The following MCTP2 variants were observed in gnomAD, a reference collection of about 807,000 sequenced individuals.
The protein encoded by MCTP2 is multiple C2 and transmembrane domain-containing protein 2.
A neutral mutation model predicts 111.6 loss-of-function variants in MCTP2; 132 were observed. That is an observed-to-expected ratio of 1.18 (90% CI 1.03 to 1.37). The LOEUF is 1.37. MCTP2 is among the 40% of genes most tolerant of loss of function. The probability of loss-of-function intolerance (pLI) is 0.00; values close to 1 mark genes in which losing one functional copy is unlikely to be tolerated. For synonymous variants in MCTP2, 395 were observed against 387.7 expected (o/e 1.02, Z -0.22); for missense variants, 1,183 against 1,067.9 (o/e 1.11, Z -1.50).
chr15:94,388,470 T>C (rs1355931735), intron 14 of MCTP2, among the ~76,000 whole-genome samples: 1 of 152,240 alleles, frequency 6.6e-6, no homozygotes, highest in Non-Finnish European at 1.5e-5. Flanking sequence ...ATTGATTCTC[T>C]ATCTAATATT....
At chr15:94,303,323 A>G (rs1390370713) in intron 2 of MCTP2, among the ~76,000 whole-genome samples, 2 of 151,974 alleles carry the variant, frequency 1.3e-5, no homozygotes, top group East Asian at 3.9e-4. Context: ...AGCATCCAGC[A>G]TGGGAGAAAG....
chr15:94,430,909 T>G (rs987849994), intron 17 of MCTP2, among the ~76,000 whole-genome samples: 9 of 152,180 alleles, frequency 5.9e-5, no homozygotes, highest in African/African-American at 2.2e-4. Flanking sequence ...TCTCAGTGAT[T>G]TCTTCCCTAA....
Position 94,406,032 on chromosome 15 carries a change from A to T in MCTP2, c.2085+4013A>T, listed in dbSNP as rs369122807. 9.5e-4 allele frequency among the ~76,000 whole-genome samples: 145 copies of T among 152,304 alleles called. 1 individual carries two copies. In the South Asian group the frequency reaches 0.03, roughly 31 times the overall value. On this transcript the variant is annotated intron_variant, in intron 17 of 22. Transcript: ENST00000357742. ...AGTGCACCTGTATATTTCCCTATGA[A>T]TAGATTTGTAAATATATGTGGTATT... is the stretch of plus-strand genomic sequence containing the variant.
At chr15:94,338,607 C>T (rs755116007) in intron 4 of MCTP2, among the ~76,000 whole-genome samples, 13 of 149,454 alleles carry the variant, frequency 8.7e-5, no homozygotes, top group South Asian at 4.2e-4. Context: ...TTTCTTTTGG[C>T]GTCTGTTTCA....
chr15:94,340,843 T>C lies in MCTP2; in HGVS notation c.888T>C (p.Asp296=). The C allele has an allele frequency of 6.2e-7, 1 of 1,612,166 alleles. No homozygotes were observed. Among genetic ancestry groups the C allele is most frequent in the Non-Finnish European group, 8.5e-7 (1 of 1,178,860 alleles). Residue 296 remains aspartate, a synonymous_variant, in exon 7 of 23, where the codon GAT becomes GAC. Coordinates refer to ENST00000357742, the MANE Select transcript of MCTP2 (RefSeq NM_001385001.1). ...CTGAACATATTTTAAAACTGGAAGA[T>C]CCAAACAGTTTAGAAGATGACATGG... The part of the protein sequence containing the change: ...RTTEHILKLE[D]PNSLEDDMGV...
chr15:94,447,385 G>A (rs2084178980), intron 19 of MCTP2, among the ~76,000 whole-genome samples: 1 of 152,184 alleles, frequency 6.6e-6, no homozygotes, highest in African/African-American at 2.4e-5. Flanking sequence ...GTGTGTGTGT[G>A]TGTGTTGTGT....
At chr15:94,345,211 T>C (rs1317200980) in intron 8 of MCTP2, 47 bp downstream of exon 8, 5 of 1,568,158 alleles carry the variant, frequency 3.2e-6, no homozygotes, top group Non-Finnish European at 4.4e-6. Context: ...AAAAACTTTG[T>C]CTTTGTAGCA....
chr15:94,475,927 ATCCTTG>A (rs1305850826), intron 21 of MCTP2, among the ~76,000 whole-genome samples: 5 of 152,186 alleles, frequency 3.3e-5, no homozygotes, highest in African/African-American at 7.2e-5. Flanking sequence ...GTTTCTAATT[ATCCTTG>A]TCCTTGTCCT....
chr15:94,328,131 CT>C lies in MCTP2; in HGVS notation c.638-11145del, dbSNP rs61495849. Among the ~76,000 whole-genome samples, 202 of 138,710 alleles carry C rather than the reference CT, an allele frequency of 1.5e-3. 1 individual carries two copies. The highest frequency in any genetic ancestry group is 2.8e-3 in the Admixed American group (39 of 13,834). The allele number at this position is 138,710 out of a possible 152,430, so 91.0% of individuals were successfully genotyped here. The stretch of plus-strand genomic sequence containing the variant: ...TTTTTATCAAGTGTTTATTTCTTTT[CT>C]TTTTTTTTTTTTTGAGATGGGAGTT... On this transcript the variant is annotated intron_variant, in intron 4 of 22. Transcript: ENST00000357742.
chr15:94,276,127 A>T (rs528342483), intron 1 of MCTP2, among the ~76,000 whole-genome samples: 2 of 152,154 alleles, frequency 1.3e-5, no homozygotes, highest in Admixed American at 6.5e-5. Context: ...TACAGGTGTG[A>T]GCCACCGTGC....
intron 1 of MCTP2, among the ~76,000 whole-genome samples, chr15:94,285,930 G>C (rs941912349): frequency 5.3e-5 from 8 of 152,092 alleles, no homozygotes; most frequent in African/African-American, 1.9e-4. Context: ...TCTTTTAGTT[G>C]ATCTTAATTT....
At chr15:94,402,288 G>A in intron 17 of MCTP2, 3 of 980,432 alleles carry the variant, frequency 3.1e-6, no homozygotes, top group Non-Finnish European at 3.6e-6. Context: ...TGCATTGTGT[G>A]TATTTTTTTT....
chr15:94,296,199 A>T (rs1293539950), intron 1 of MCTP2, among the ~76,000 whole-genome samples: 1 of 152,212 alleles, frequency 6.6e-6, no homozygotes, highest in African/African-American at 2.4e-5. Context: ...ATATTGCTAT[A>T]TGAAAATAGA....
At chr15:94,261,550 A>C (rs2073180433) in intron 1 of MCTP2, among the ~76,000 whole-genome samples, 3 of 152,198 alleles carry the variant, frequency 2.0e-5, no homozygotes. Context: ...TACGTCTGTA[A>C]CATGTGACTG....
intron 8 of MCTP2, among the ~76,000 whole-genome samples, chr15:94,352,415 G>A (rs2078354281): frequency 6.6e-6 from 1 of 152,184 alleles, no homozygotes; most frequent in Non-Finnish European, 1.5e-5. Context: ...GTGGGGATTT[G>A]GTGAGGTGGG....
intron 2 of MCTP2, among the ~76,000 whole-genome samples, chr15:94,304,723 C>A (rs1190390164): frequency 6.6e-6 from 1 of 152,096 alleles, no homozygotes; most frequent in Non-Finnish European, 1.5e-5. Context: ...TTTCATACAC[C>A]ATCCATCTCA....
At chr15:94,370,287 C>A in intron 12 of MCTP2, 107 bp downstream of exon 12, 1 of 778,500 alleles carries the variant, frequency 1.3e-6, no homozygotes, top group South Asian at 2.2e-5. Flanking sequence ...CTATAACAGT[C>A]ATGCTCCTTC....
chr15:94,476,022 A>G (rs1438677857), intron 21 of MCTP2, among the ~76,000 whole-genome samples: 2 of 152,250 alleles, frequency 1.3e-5, no homozygotes, highest in African/African-American at 4.8e-5. Context: ...CAACCATAGT[A>G]AGATAATTTG....
intron 1 of MCTP2, among the ~76,000 whole-genome samples, chr15:94,259,245 G>A (rs937818657): frequency 1.3e-5 from 2 of 152,100 alleles, no homozygotes; most frequent in African/African-American, 2.4e-5. Context: ...TTTGCTAAAG[G>A]TCCTGAATAA....
Sources: gnomAD v4.1 joint callset for allele counts (sites outside exome capture counted in the v4.1 genomes callset) on GRCh38, gnomAD v4.1.1 for gene constraint, MANE v1.5 for transcripts, NCBI Gene and HGNC (gene_info 2026-07-23, HGNC 2026-07-21) for gene names.